Variants in ORC5 observed in about 807,000 individuals in gnomAD.
ORC5 encodes origin recognition complex subunit 5, also known as protein phosphatase 1, regulatory subunit 117.
In ORC5, 39 loss-of-function variants were observed where a neutral mutation model predicts 58.8. The ratio of observed to expected loss-of-function variants is 0.66; its 90% confidence interval spans 0.51 to 0.87. ORC5 has a LOEUF of 0.87. ORC5 is among the 40% of genes least tolerant of loss of function. The probability of loss-of-function intolerance (pLI) is 0.00; values close to 1 mark genes in which losing one functional copy is unlikely to be tolerated. For missense variants in ORC5, 493 were observed against 506.3 expected (o/e 0.97, Z 0.25); for synonymous variants, 218 against 177.6 (o/e 1.23, Z -1.81).
At chr7:104,173,267 C>G (rs1159099268) in intron 8 of ORC5, among the ~76,000 whole-genome samples, 1 of 152,216 alleles carries the variant, frequency 6.6e-6, no homozygotes, top group Non-Finnish European at 1.5e-5. Flanking sequence ...ATAATTATCT[C>G]AAAACAATTA....
intron 1 of ORC5, among the ~76,000 whole-genome samples, chr7:104,205,699 A>G (rs1800062459): frequency 6.6e-6 from 1 of 152,350 alleles, no homozygotes; most frequent in African/African-American, 2.4e-5. Context: ...TTTATATGTA[A>G]CAATCATAAA....
intron 12 of ORC5, among the ~76,000 whole-genome samples, chr7:104,154,036 G>C (rs1798885638): frequency 6.6e-6 from 1 of 151,870 alleles, no homozygotes; most frequent in East Asian, 1.9e-4. Context: ...ATCTATAAAA[G>C]CAGTTTGAAA....
intron 8 of ORC5, among the ~76,000 whole-genome samples, 164 bp downstream of exon 8, chr7:104,183,779 T>C (rs2058722): frequency 0.12 from 18,556 of 152,258 alleles, 1,421 homozygotes; most frequent in Non-Finnish European, 0.17. Context: ...TTTACCTCCC[T>C]GAAGATGCAG....
At chr7:104,170,929 CTTGA>C (rs1376172471) in intron 8 of ORC5, among the ~76,000 whole-genome samples, 3 of 152,040 alleles carry the variant, frequency 2.0e-5, no homozygotes, top group South Asian at 2.1e-4. Flanking sequence ...GTTTTGTTCT[CTTGA>C]TTATTTTCAG....
At chr7:104,149,892 T>C (rs1170061220) in intron 12 of ORC5, among the ~76,000 whole-genome samples, 1 of 152,182 alleles carries the variant, frequency 6.6e-6, no homozygotes, top group Non-Finnish European at 1.5e-5. Flanking sequence ...AACAAAAATC[T>C]CTTTCTGTGT....
intron 12 of ORC5, among the ~76,000 whole-genome samples, chr7:104,150,987 C>G (rs76795367): frequency 0.057 from 8,616 of 152,028 alleles, 804 homozygotes; most frequent in African/African-American, 0.2. Context: ...GGGAGATGGA[C>G]CATGATGCGT....
rs754016952 is a variant in ORC5, at chr7:104,204,268, A to G, written c.73-34T>C. 9 of 1,194,054 alleles carry G rather than the reference A, an allele frequency of 7.5e-6. No homozygotes were observed. The South Asian group carries it at 8.3e-5, about 11-fold the overall frequency. The allele number at this position is 1,194,054 out of a possible 1,614,324, so 74.0% of individuals were successfully genotyped here. ...AGAAAAGACAAATATGAGGCTGCAC[A>G]TACAAAATAGAAAATAAACACTTAT... On this transcript the variant is annotated intron_variant, in intron 1 of 13. Coordinates refer to ENST00000297431, the MANE Select transcript of ORC5 (RefSeq NM_002553.4).
At chr7:104,179,322 T>C (rs886991814) in intron 8 of ORC5, among the ~76,000 whole-genome samples, 1 of 152,128 alleles carries the variant, frequency 6.6e-6, no homozygotes, top group Middle Eastern at 3.2e-3. Flanking sequence ...TTTAAAAGTA[T>C]AAGAAAATAA....
intron 12 of ORC5, 152 bp downstream of exon 12, chr7:104,160,920 T>C: frequency 1.8e-6 from 1 of 561,330 alleles, no homozygotes; most frequent in Non-Finnish European, 3.1e-6. Context: ...TCTATATACG[T>C]AATTTTCAAT....
intron 12 of ORC5, among the ~76,000 whole-genome samples, chr7:104,149,250 A>G (rs1798808256): frequency 6.6e-6 from 1 of 152,200 alleles, no homozygotes; most frequent in South Asian, 2.1e-4. Flanking sequence ...GAAACACTAG[A>G]ATCATTTCCA....
At chr7:104,188,454 C>CT (rs1799599139) in intron 5 of ORC5, 73 bp from the exon 6 acceptor site, 7 of 1,148,810 alleles carry the variant, frequency 6.1e-6, no homozygotes, top group Non-Finnish European at 8.4e-6. Flanking sequence ...CATTTTATAA[C>CT]AAAGGTATTA....
At chr7:104,142,668 G>A (rs910491064) in intron 12 of ORC5, among the ~76,000 whole-genome samples, 3 of 152,130 alleles carry the variant, frequency 2.0e-5, no homozygotes, top group African/African-American at 7.2e-5. Context: ...ATTGAGATAT[G>A]TCACACAAAT....
intron 12 of ORC5, among the ~76,000 whole-genome samples, chr7:104,146,091 G>C (rs194863): frequency 0.36 from 54,736 of 152,016 alleles, 11,064 homozygotes; most frequent in East Asian, 0.56. Context: ...GTGGAAAGAG[G>C]AGATTTGTGG....
chr7:104,127,370 G>A (rs1345472375), intron 13 of ORC5, among the ~76,000 whole-genome samples: 1 of 152,036 alleles, frequency 6.6e-6, no homozygotes, highest in African/African-American at 2.4e-5. Context: ...TTTAACGCTG[G>A]CTGACCTGTG....
At chr7:104,206,301 A>G (rs1172499426) in intron 1 of ORC5, among the ~76,000 whole-genome samples, 2 of 152,202 alleles carry the variant, frequency 1.3e-5, no homozygotes, top group African/African-American at 4.8e-5. Context: ...TTTCTTTGCT[A>G]TAGTTGTTTG....
chr7:104,145,949 G>C (rs544365292), intron 12 of ORC5, among the ~76,000 whole-genome samples: 1 of 152,268 alleles, frequency 6.6e-6, no homozygotes, highest in South Asian at 2.1e-4. Flanking sequence ...TATCCTTCAT[G>C]AATAAAGTGG....
At chr7:104,191,802 TGTCTCCTTGGGTCTTA>T (rs1799683099) in intron 5 of ORC5, among the ~76,000 whole-genome samples, 1 of 152,094 alleles carries the variant, frequency 6.6e-6, no homozygotes. Flanking sequence ...ACCCACTGGT[TGTCTCCTTGGGTCTTA>T]AAATTTCACT....
At chr7:104,204,513 T>C (rs1228116633) in intron 1 of ORC5, among the ~76,000 whole-genome samples, 1 of 152,214 alleles carries the variant, frequency 6.6e-6, no homozygotes, top group Non-Finnish European at 1.5e-5. Flanking sequence ...ATATACAAAC[T>C]AGTATTTTCA....
At chr7:104,180,420 G>A (rs1799409848) in intron 8 of ORC5, among the ~76,000 whole-genome samples, 1 of 152,018 alleles carries the variant, frequency 6.6e-6, no homozygotes, top group African/African-American at 2.4e-5. Flanking sequence ...TTTAAATCCA[G>A]GTAACTTTCT....
Sources: allele counts gnomAD v4.1 joint callset (sites outside exome capture counted in the v4.1 genomes callset), GRCh38; gene constraint gnomAD v4.1.1; transcripts MANE v1.5; gene names NCBI Gene and HGNC (gene_info 2026-07-23, HGNC 2026-07-21).